KCNK10: variants seen among roughly 807,000 people sequenced by gnomAD.
KCNK10 encodes potassium two pore domain channel subfamily K member 10.
A neutral mutation model predicts 47.7 loss-of-function variants in KCNK10; 25 were observed. The ratio of observed to expected loss-of-function variants is 0.52; its 90% CI spans 0.38 to 0.73. The LOEUF is 0.73. KCNK10 is among the 30% of genes least tolerant of loss of function. The pLI is 0.00. For synonymous variants in KCNK10, 303 were observed against 285.6 expected (o/e 1.06, Z -0.61); for missense variants, 563 against 714.5 (o/e 0.79, Z 2.42).
At chr14:88,261,085 G>A (rs1887097388) in intron 2 of KCNK10, among the ~76,000 whole-genome samples, 1 of 152,212 alleles carries the variant, frequency 6.6e-6, no homozygotes, top group Admixed American at 6.5e-5. Context: ...TCTACAATTT[G>A]CTTTGATATC....
At chr14:88,207,592 C>T (rs991605227) in intron 4 of KCNK10, among the ~76,000 whole-genome samples, 2 of 152,224 alleles carry the variant, frequency 1.3e-5, no homozygotes, top group Non-Finnish European at 1.5e-5. Flanking sequence ...CTCAGCCTCT[C>T]AAGTAACTGG....
In KCNK10 at chr14:88,185,940, G is replaced by A. The variant is rs755788479; in HGVS notation, c.1227C>T (p.Asp409=). ...PEKRSVFAAL[D]TGRFKASSQE... ...GGGATGAGGCCTTGAAGCGGCCGGTGTCCAGGGCAGCAAAGACAGAGCGCT... is the reference window on the plus strand; with the variant it reads ...GGGATGAGGCCTTGAAGCGGCCGGTATCCAGGGCAGCAAAGACAGAGCGCT... Residue 409 remains aspartate (D), a synonymous_variant, in exon 7 of 7, where the codon GAC becomes GAT. Transcript: ENST00000319231. The surrounding 1 kb of genome is among the most constrained non-coding windows in gnomAD (Gnocchi z 4.3). The A allele has an allele frequency of 3.1e-6, 5 of 1,613,962 alleles. No homozygotes were observed. The highest frequency in any genetic ancestry group is 4.2e-6 in the Non-Finnish European group (5 of 1,180,018).
chr14:88,214,425 C>G (rs148494206), intron 4 of KCNK10, among the ~76,000 whole-genome samples: 1,653 of 152,300 alleles, frequency 0.011, 27 homozygotes, highest in Middle Eastern at 0.031. Context: ...GATGGAAGAA[C>G]AGAGTGGGGA....
chr14:88,298,617 C>T lies in KCNK10; in HGVS notation c.52+24130G>A, dbSNP rs528919049. Among the ~76,000 whole-genome samples, 11 of 152,310 alleles carry T rather than the reference C, an allele frequency of 7.2e-5. No individual in the cohort carries two copies. In the South Asian group the frequency reaches 1.7e-3, roughly 23 times the overall value. On this transcript the variant is annotated intron_variant, in intron 1 of 6. Transcript: ENST00000319231. ...TTCTTTTTCACTCCTCCAGTGCCCC[C>T]CTAGCCCAGACCTTTGCTATGGTGA...
chr14:88,322,717 C>T lies in KCNK10; in HGVS notation c.52+30G>A, dbSNP rs774946073. Reference sequence around the variant, plus strand: ...GCACACGCCGGAGACAGAGGCAGGGCGAGGGCAGCCAAAAGTAGGAAACAC... The same window carrying T: ...GCACACGCCGGAGACAGAGGCAGGGTGAGGGCAGCCAAAAGTAGGAAACAC... On this transcript the variant is annotated intron_variant, in intron 1 of 6. Coordinates refer to ENST00000319231, the MANE Select transcript of KCNK10 (RefSeq NM_138317.3). The surrounding 1 kb of genome is among the most constrained non-coding windows in gnomAD (Gnocchi z 4.8). 6.2e-7 allele frequency: 1 copy of T among 1,613,736 alleles called. No individual in the cohort carries two copies. Among genetic ancestry groups the T allele is most frequent in the Non-Finnish European group, 8.5e-7 (1 of 1,179,836 alleles).
rs1023488633 is a variant in KCNK10 at position 88,180,164 on chromosome 14, A to G, written c.*5371T>C. The G allele has an allele frequency of 6.6e-6, 1 of 152,348 alleles. No individual in the cohort carries two copies. The highest frequency in any genetic ancestry group is 2.4e-5 in the African/African-American group (1 of 41,452). The allele number at this position is 152,348 out of a possible 1,614,324, so 9.4% of individuals were successfully genotyped here. On this transcript the variant is annotated 3_prime_UTR_variant, in exon 7 of 7. Transcript: ENST00000319231. ...TTTCTCCATCATTGAAAAAAAAATT[A>G]CATCATCAAATAAAGACAATAGCAG...
Position 88,322,881 on chromosome 14 carries a change from A to G in KCNK10, c.-83T>C. ...CAAGCTTTACACGCCTCGGTTTAGCAGTCCAACAAAACAATTTCCGAGGAT... is the reference window on the plus strand; with the variant it reads ...CAAGCTTTACACGCCTCGGTTTAGCGGTCCAACAAAACAATTTCCGAGGAT... On this transcript the variant is annotated 5_prime_UTR_variant, in exon 1 of 7. Transcript: ENST00000319231. This position sits in a 1 kb window ranked among gnomAD's most constrained non-coding sequence, Gnocchi z 4.8. 2.5e-6 allele frequency: 4 copies of G among 1,604,826 alleles called. No homozygotes were observed. The highest frequency in any genetic ancestry group is 3.4e-6 in the Non-Finnish European group (4 of 1,175,514).
chr14:88,309,795 G>A (rs1888274047), intron 1 of KCNK10, among the ~76,000 whole-genome samples: 1 of 151,994 alleles, frequency 6.6e-6, no homozygotes, highest in Non-Finnish European at 1.5e-5. Context: ...AAGCCTCAAT[G>A]GACTTGGATA....
intron 4 of KCNK10, among the ~76,000 whole-genome samples, chr14:88,218,168 G>A (rs61976974): frequency 0.29 from 43,872 of 151,986 alleles, 6,646 homozygotes; most frequent in Non-Finnish European, 0.33. Flanking sequence ...TCTTGAAATA[G>A]TAATTATTTT....
chr14:88,229,595 CA>C (rs1254490421), intron 3 of KCNK10, among the ~76,000 whole-genome samples: 3 of 152,154 alleles, frequency 2.0e-5, no homozygotes, highest in Admixed American at 6.6e-5. Flanking sequence ...ATGCAATACT[CA>C]AACAAGCCTT....
At chr14:88,202,337 C>T (rs530014919) in intron 4 of KCNK10, among the ~76,000 whole-genome samples, 1 of 152,150 alleles carries the variant, frequency 6.6e-6, no homozygotes, top group Non-Finnish European at 1.5e-5. Context: ...TTCTTTTTGC[C>T]CACCAATAAT....
At chr14:88,244,916 T>A (rs1886587134) in intron 2 of KCNK10, among the ~76,000 whole-genome samples, 1 of 152,156 alleles carries the variant, frequency 6.6e-6, no homozygotes, top group South Asian at 2.1e-4. Context: ...ATCAAAAAAT[T>A]CACACAGGCA....
At chr14:88,245,774 T>A (rs570205392) in intron 2 of KCNK10, among the ~76,000 whole-genome samples, 1 of 152,334 alleles carries the variant, frequency 6.6e-6, no homozygotes, top group Non-Finnish European at 1.5e-5. Flanking sequence ...TGGACGCTAA[T>A]AGCTGGATGA....
intron 4 of KCNK10, among the ~76,000 whole-genome samples, chr14:88,209,549 C>T (rs1207817798): frequency 6.6e-6 from 1 of 152,224 alleles, no homozygotes; most frequent in Non-Finnish European, 1.5e-5. Flanking sequence ...TTCGAAAGGG[C>T]TCGCTGCATC....
chr14:88,267,253 C>T (rs1020014070), intron 1 of KCNK10, among the ~76,000 whole-genome samples: 1 of 152,186 alleles, frequency 6.6e-6, no homozygotes, highest in Non-Finnish European at 1.5e-5. Flanking sequence ...TGTTACAAAA[C>T]CTTTTGTGCA....
intron 1 of KCNK10, among the ~76,000 whole-genome samples, chr14:88,301,998 A>G (rs773862461): frequency 5.9e-5 from 9 of 152,164 alleles, no homozygotes; most frequent in Non-Finnish European, 1.3e-4. Flanking sequence ...TCCACACAGG[A>G]AGATGCGTGG....
chr14:88,205,408 C>A (rs925957368), intron 4 of KCNK10, among the ~76,000 whole-genome samples: 2 of 152,164 alleles, frequency 1.3e-5, no homozygotes, highest in African/African-American at 4.8e-5. Flanking sequence ...CTTGCATGGT[C>A]CCCTGTCCAT....
At chr14:88,232,206 A>G (rs1337504233) in intron 3 of KCNK10, among the ~76,000 whole-genome samples, 1 of 152,260 alleles carries the variant, frequency 6.6e-6, no homozygotes, top group African/African-American at 2.4e-5. Flanking sequence ...TAGTGGATCC[A>G]ATAGAAACCA....
intron 2 of KCNK10, among the ~76,000 whole-genome samples, chr14:88,254,135 G>A (rs980948815): frequency 6.6e-6 from 1 of 152,112 alleles, no homozygotes; most frequent in African/African-American, 2.4e-5. Context: ...ATCATGAACA[G>A]ACAGTGACCA....
Sources: allele counts gnomAD v4.1 joint callset (sites outside exome capture counted in the v4.1 genomes callset), GRCh38; gene constraint gnomAD v4.1.1; non-coding constraint Gnocchi (gnomAD v3.1); transcripts MANE v1.5; gene names NCBI Gene and HGNC (gene_info 2026-07-23, HGNC 2026-07-21).